The following TNFRSF10D variants were observed in gnomAD, a reference collection of about 807,000 sequenced individuals.
The protein encoded by TNFRSF10D is TNF receptor superfamily member 10d.
TNFRSF10D carries 28 observed loss-of-function variants against 42.1 expected under a neutral mutation model. The observed-to-expected ratio is 0.66, with a 90% CI of 0.49 to 0.91. TNFRSF10D has a LOEUF of 0.91. Ranked by LOEUF, TNFRSF10D falls within the 40% of genes least tolerant of loss-of-function variation. The pLI is 0.00. For missense variants in TNFRSF10D, 503 were observed against 486.1 expected (o/e 1.03, Z -0.33); for synonymous variants, 186 against 189.4 (o/e 0.98, Z 0.15).
chr8:23,147,949 T>C (rs1471740404), intron 3 of TNFRSF10D, among the ~76,000 whole-genome samples: 3 of 150,070 alleles, frequency 2.0e-5, no homozygotes, highest in African/African-American at 4.9e-5. Flanking sequence ...CCTGTAGTCA[T>C]AGCTACTCAG....
Position 23,145,706 on chromosome 8 carries a change from C to T in TNFRSF10D, c.698G>A (p.Arg233Gln), listed in dbSNP as rs202212786. 1.3e-5 allele frequency: 21 copies of T among 1,614,140 alleles called. No homozygotes were observed. Among genetic ancestry groups the T allele is most frequent in the Middle Eastern group, 1.6e-4 (1 of 6,062 alleles). ...LAVVVVGFSC[R>Q]KKFISYLKGI... ...TTTGAGGTAAGAAATGAATTTCTTC[C>T]GACATGAAAAGCCAACCACAACCAC... is the stretch of plus-strand genomic sequence containing the variant. Residue 233 changes from arginine (R) to glutamine (Q), a missense_variant, in exon 5 of 9, where the codon CGG becomes CAG. By Grantham distance (43) the Arg-to-Gln change is conservative. Transcript: ENST00000312584.
At chr8:23,162,551 G>A (rs1051869040) in intron 1 of TNFRSF10D, among the ~76,000 whole-genome samples, 2 of 151,806 alleles carry the variant, frequency 1.3e-5, no homozygotes, top group Non-Finnish European at 2.9e-5. Context: ...AGAAAGCACT[G>A]TTGGCAGAAA....
chr8:23,148,806 T>A (rs1800165536), intron 2 of TNFRSF10D, among the ~76,000 whole-genome samples: 1 of 139,672 alleles, frequency 7.2e-6, no homozygotes, highest in African/African-American at 2.9e-5. Flanking sequence ...GTACAAAGAA[T>A]GAGGTCAAAT....
intron 1 of TNFRSF10D, among the ~76,000 whole-genome samples, chr8:23,162,799 G>A (rs1800390604): frequency 6.6e-6 from 1 of 152,118 alleles, no homozygotes; most frequent in South Asian, 2.1e-4. Flanking sequence ...GCCACTTTCA[G>A]GGTTCTATAG....
intron 3 of TNFRSF10D, 44 bp from the exon 4 acceptor site, chr8:23,147,116 T>C (rs3924519): frequency 0.32 from 492,699 of 1,539,050 alleles, 89,699 homozygotes; most frequent in East Asian, 0.84. Flanking sequence ...TTCCCTGACA[T>C]GTCTGTCCAC....
rs375699987 is a variant in TNFRSF10D at position 23,161,008 on chromosome 8, C to A, written c.150+2778G>T. On this transcript the variant is annotated intron_variant, in intron 1 of 8. Coordinates refer to ENST00000312584, the MANE Select transcript of TNFRSF10D (RefSeq NM_003840.5). ...TCTTCAGAAGCTTCTGCCCCAAGGC[C>A]AGGGAGCCTGGTATGGAGGTGCAAG... is the stretch of plus-strand genomic sequence containing the variant. Among the ~76,000 whole-genome samples the A allele has an allele frequency of 7.2e-5, 11 of 152,362 alleles. No homozygotes were observed. The East Asian group carries it at 1.7e-3, about 24-fold the overall frequency.
intron 5 of TNFRSF10D, 102 bp downstream of exon 5, chr8:23,145,566 G>A (rs1018322362): frequency 4.0e-5 from 63 of 1,559,882 alleles, no homozygotes; most frequent in South Asian, 5.7e-5. Flanking sequence ...GGCTGGAGAC[G>A]CTTGGACCAG....
chr8:23,162,705 G>C (rs921126399), intron 1 of TNFRSF10D, among the ~76,000 whole-genome samples: 375 of 151,132 alleles, frequency 2.5e-3, no homozygotes, highest in African/African-American at 7.8e-3. Context: ...GGGCCATCCC[G>C]CGGTCCTGCC....
intron 7 of TNFRSF10D, among the ~76,000 whole-genome samples, chr8:23,140,096 T>C (rs1444435676): frequency 7.2e-5 from 11 of 152,140 alleles, no homozygotes; most frequent in Non-Finnish European, 1.3e-4. Context: ...GAGACCATCC[T>C]GGCTAACACG....
At chr8:23,140,109 G>GA (rs1285071127) in intron 7 of TNFRSF10D, among the ~76,000 whole-genome samples, 1 of 152,144 alleles carries the variant, frequency 6.6e-6, no homozygotes, top group Non-Finnish European at 1.5e-5. Context: ...CTAACACGGT[G>GA]AAACCCCACC....
At chr8:23,144,708 C>G (rs1449389198) in intron 6 of TNFRSF10D, 73 bp from the exon 7 acceptor site, 1 of 1,528,236 alleles carries the variant, frequency 6.5e-7, no homozygotes, top group Non-Finnish European at 8.9e-7. Context: ...CACAGCTGGA[C>G]CTGCCATCCC....
rs1800156459 is a variant in TNFRSF10D at position 23,148,366 on chromosome 8, T to A, written c.370+72A>T. 2.5e-6 allele frequency: 3 copies of A among 1,216,666 alleles called. No homozygotes were observed. The East Asian group carries it at 7.4e-5, about 30-fold the overall frequency. The allele number at this position is 1,216,666 out of a possible 1,614,324, so 75.4% of individuals were successfully genotyped here. A position where few individuals can be genotyped will look rare whatever the true frequency, so the allele number is the denominator to read the frequency against. ...TTGGGCTAGAACTTGGTTCCCCGAC[T>A]CACATCGGCTACAGCTCCCACCTCA... On this transcript the variant is annotated intron_variant, in intron 3 of 8. Coordinates refer to ENST00000312584, the MANE Select transcript of TNFRSF10D (RefSeq NM_003840.5).
Position 23,144,695 on chromosome 8 carries a change from G to A in TNFRSF10D, c.769-60C>T, listed in dbSNP as rs141806318. The A allele has an allele frequency of 1.0e-3, 1,609 of 1,564,422 alleles. 7 individuals are homozygous for A. The highest frequency in any genetic ancestry group is 8.4e-3 in the Middle Eastern group (48 of 5,728). ...CCCGGGCTCAGCTTCAGGGTCCCCA[G>A]TACACAGCTGGACCTGCCATCCCCA... On this transcript the variant is annotated intron_variant, in intron 6 of 8. Transcript: ENST00000312584.
At chr8:23,141,932 A>C (rs1800026313) in intron 7 of TNFRSF10D, among the ~76,000 whole-genome samples, 2 of 152,224 alleles carry the variant, frequency 1.3e-5, no homozygotes, top group African/African-American at 4.8e-5. Context: ...ATTTTAAAAC[A>C]ACTACTATTT....
At chr8:23,140,927 T>C (rs1585257508) in intron 7 of TNFRSF10D, among the ~76,000 whole-genome samples, 1 of 152,160 alleles carries the variant, frequency 6.6e-6, no homozygotes, top group East Asian at 1.9e-4. Context: ...ATAATACAAC[T>C]CCCCATTCAA....
chr8:23,152,924 AAAAC>A (rs1456656384), intron 2 of TNFRSF10D, among the ~76,000 whole-genome samples: 1 of 152,268 alleles, frequency 6.6e-6, no homozygotes, highest in Non-Finnish European at 1.5e-5. Context: ...GATCTTAAGC[AAAAC>A]AAACAAAAAG....
At chr8:23,155,990 T>G (rs1301182390) in intron 1 of TNFRSF10D, among the ~76,000 whole-genome samples, 1 of 151,896 alleles carries the variant, frequency 6.6e-6, no homozygotes, top group Non-Finnish European at 1.5e-5. Flanking sequence ...TATCAAAGAG[T>G]GACAGAAAAA....
At chr8:23,142,270 CAA>C (rs34116006) in intron 7 of TNFRSF10D, among the ~76,000 whole-genome samples, 3 of 143,490 alleles carry the variant, frequency 2.1e-5, no homozygotes, top group African/African-American at 5.1e-5. Context: ...GACTCCCTCT[CAA>C]AAAAAAAAAG....
chr8:23,150,852 A>C (rs1031016664), intron 2 of TNFRSF10D, among the ~76,000 whole-genome samples: 3 of 152,098 alleles, frequency 2.0e-5, no homozygotes, highest in Non-Finnish European at 4.4e-5. Context: ...TGAAATTACC[A>C]AGTCACAGGA....
Sources: gnomAD v4.1 joint callset for allele counts (sites outside exome capture counted in the v4.1 genomes callset) on GRCh38, gnomAD v4.1.1 for gene constraint, MANE v1.5 for transcripts, NCBI Gene and HGNC (gene_info 2026-07-23, HGNC 2026-07-21) for gene names.